FOXN3: variants seen among roughly 807,000 people sequenced by gnomAD.
FOXN3 encodes forkhead box protein N3.
Under a neutral mutation model 38.4 loss-of-function variants are expected in FOXN3, and 7 were observed. The observed-to-expected ratio is 0.18, with a 90% CI of 0.10 to 0.34. FOXN3 has a LOEUF of 0.34. Among genes scored for constraint, FOXN3 ranks in the 10% least tolerant of loss-of-function variants. The probability of loss-of-function intolerance (pLI) is 1.00; values close to 1 mark genes in which losing one functional copy is unlikely to be tolerated. For synonymous variants in FOXN3, 230 were observed against 242.2 expected (o/e 0.95, Z 0.47); for missense variants, 456 against 613.4 (o/e 0.74, Z 2.71).
At chr14:89,248,408 T>C (rs1323332165) in intron 4 of FOXN3, among the ~76,000 whole-genome samples, 2 of 152,226 alleles carry the variant, frequency 1.3e-5, no homozygotes, top group African/African-American at 4.8e-5. Context: ...GCAGAATAAT[T>C]TTGTGACTTC....
chr14:89,580,018 C>G (rs1210957654), intron 1 of FOXN3, among the ~76,000 whole-genome samples: 6 of 152,032 alleles, frequency 3.9e-5, no homozygotes. Context: ...AATGAGGTTC[C>G]CAGGGTTCAG....
intron 2 of FOXN3, chr14:89,351,110 T>C (rs1024163613): frequency 2.0e-5 from 4 of 199,780 alleles, no homozygotes; most frequent in African/African-American, 9.2e-5. Context: ...AGCGTCAACA[T>C]TGAAGAACAC....
chr14:89,445,223 C>G (rs1596276500), intron 1 of FOXN3, among the ~76,000 whole-genome samples: 1 of 152,014 alleles, frequency 6.6e-6, no homozygotes, highest in East Asian at 1.9e-4. Flanking sequence ...TCGGGTATAC[C>G]CGACTTCTGA....
intron 1 of FOXN3, among the ~76,000 whole-genome samples, chr14:89,568,246 C>T (rs1895407159): frequency 1.3e-5 from 2 of 152,182 alleles, no homozygotes; most frequent in South Asian, 2.1e-4. Context: ...CCAGGGACTT[C>T]GCTCACCTGG....
At chr14:89,316,689 G>C (rs1887729253) in intron 3 of FOXN3, among the ~76,000 whole-genome samples, 1 of 137,360 alleles carries the variant, frequency 7.3e-6, no homozygotes, top group Non-Finnish European at 1.5e-5. Context: ...TTTTTGAGAT[G>C]GAGTCTTGCT....
intron 3 of FOXN3, among the ~76,000 whole-genome samples, chr14:89,318,831 C>A (rs1887813345): frequency 6.6e-6 from 1 of 152,232 alleles, no homozygotes; most frequent in Non-Finnish European, 1.5e-5. Flanking sequence ...AAGCCGCCGA[C>A]CCGATGCATC....
intron 3 of FOXN3, chr14:89,290,103 G>T: frequency 5.6e-6 from 1 of 178,002 alleles, no homozygotes; most frequent in Non-Finnish European, 1.2e-5. Flanking sequence ...GCACAGAATT[G>T]TCGGAGGCCA....
At chr14:89,326,699 G>A (rs1888091196) in intron 3 of FOXN3, among the ~76,000 whole-genome samples, 1 of 151,874 alleles carries the variant, frequency 6.6e-6, no homozygotes, top group African/African-American at 2.4e-5. Flanking sequence ...AGTAAACATT[G>A]CTGTCAAAAA....
intron 1 of FOXN3, among the ~76,000 whole-genome samples, chr14:89,613,149 A>G (rs1009990802): frequency 3.4e-5 from 5 of 149,068 alleles, no homozygotes; most frequent in African/African-American, 1.2e-4. Context: ...AAACTCTTAC[A>G]TTATCTAAAA....
At chr14:89,557,817 C>A (rs1318270896) in intron 1 of FOXN3, among the ~76,000 whole-genome samples, 5 of 152,008 alleles carry the variant, frequency 3.3e-5, no homozygotes. Flanking sequence ...AGCAGCCTGG[C>A]CAACATGGCA....
At chr14:89,371,224 A>G (rs1293258173) in intron 2 of FOXN3, among the ~76,000 whole-genome samples, 1 of 152,158 alleles carries the variant, frequency 6.6e-6, no homozygotes, top group Admixed American at 6.5e-5. Flanking sequence ...TTCCTGCCCG[A>G]AAGTGGCCCG....
chr14:89,506,673 TG>T (rs1456617240), intron 1 of FOXN3, among the ~76,000 whole-genome samples: 1 of 152,092 alleles, frequency 6.6e-6, no homozygotes, highest in Non-Finnish European at 1.5e-5. Flanking sequence ...CGCGGTTTTG[TG>T]GAATAGAAAG....
At chr14:89,443,269 C>T (rs1275639854) in intron 1 of FOXN3, among the ~76,000 whole-genome samples, 2 of 152,088 alleles carry the variant, frequency 1.3e-5, no homozygotes, top group African/African-American at 4.8e-5. Flanking sequence ...GGAAAGAGGT[C>T]CTCCCTTGGT....
At chr14:89,319,583 G>A (rs997195934) in intron 3 of FOXN3, among the ~76,000 whole-genome samples, 3 of 151,986 alleles carry the variant, frequency 2.0e-5, no homozygotes, top group African/African-American at 7.3e-5. Context: ...CAGGCACCAG[G>A]AGCCCCACTT....
At chr14:89,601,723 AC>A (rs1896157775) in intron 1 of FOXN3, among the ~76,000 whole-genome samples, 1 of 151,842 alleles carries the variant, frequency 6.6e-6, no homozygotes, top group Non-Finnish European at 1.5e-5. Flanking sequence ...GAGGCCTAAA[AC>A]CAAAGGAAAA....
intron 3 of FOXN3, among the ~76,000 whole-genome samples, chr14:89,316,625 T>C (rs1307304739): frequency 6.6e-6 from 1 of 151,618 alleles, no homozygotes; most frequent in Non-Finnish European, 1.5e-5. Context: ...CCTCCCAAAG[T>C]GCTGGGATTA....
chr14:89,452,352 G>C (rs35061642), intron 1 of FOXN3, among the ~76,000 whole-genome samples: 55,424 of 152,066 alleles, frequency 0.36, 10,468 homozygotes, highest in Admixed American at 0.44. Flanking sequence ...AGCTGCTGTG[G>C]GAAGGTTCCC....
chr14:89,279,419 A>C (rs1886393745), intron 4 of FOXN3, among the ~76,000 whole-genome samples: 1 of 152,238 alleles, frequency 6.6e-6, no homozygotes, highest in Non-Finnish European at 1.5e-5. Flanking sequence ...ACCTAATGCC[A>C]AAGTGAATGA....
intron 4 of FOXN3, chr14:89,263,821 G>A (rs1348378944): frequency 6.6e-6 from 1 of 152,216 alleles, no homozygotes; most frequent in Non-Finnish European, 1.5e-5. Context: ...GGAGGCCGAG[G>A]TGGGGGGATC....
Sources: allele counts gnomAD v4.1 joint callset (sites outside exome capture counted in the v4.1 genomes callset), GRCh38; gene constraint gnomAD v4.1.1; transcripts MANE v1.5; gene names NCBI Gene and HGNC (gene_info 2026-07-23, HGNC 2026-07-21).